The following PRAME variants were observed in gnomAD, a reference collection of about 807,000 sequenced individuals.
PRAME encodes PRAME nuclear receptor transcriptional regulator, also known as melanoma antigen preferentially expressed in tumors.
PRAME carries 21 observed loss-of-function variants against 32.1 expected under a neutral mutation model. The ratio of observed to expected loss-of-function variants is 0.65; its 90% CI spans 0.46 to 0.94. The LOEUF (loss-of-function observed/expected upper bound fraction) is 0.94, where lower values mean the gene tolerates loss of function less well. Among genes scored for constraint, PRAME ranks in the 40% least tolerant of loss-of-function variants. The pLI, the probability that PRAME is intolerant of heterozygous loss-of-function variation, is 0.00. For missense variants in PRAME, 651 were observed against 622.3 expected (o/e 1.05, Z -0.49); for synonymous variants, 274 against 251.5 (o/e 1.09, Z -0.85).
intron 4 of PRAME, 110 bp from the exon 5 acceptor site, chr22:22,550,444 C>G: frequency 7.2e-7 from 1 of 1,393,298 alleles, no homozygotes; most frequent in Non-Finnish European, 9.7e-7. Flanking sequence ...CACCTTAGAT[C>G]TGCACTTTTA....
Position 22,550,901 on chromosome 22 carries a change from C to A in PRAME, c.210G>T (p.Lys70Asn). ...AFDGRHSQTL[K>N]AMVQAWPFTC... ...TGAAGGGCCAGGCCTGCACCATTGC[C>A]TTCAGGGTCTGGCTGTGTCTCCCGT... is the stretch of plus-strand genomic sequence containing the variant. Residue 70 changes from lysine to asparagine, a missense_variant, in exon 4 of 6, where the codon AAG (lysine) becomes AAT (asparagine). Physicochemically the swap from Lys to Asn is moderately conservative, Grantham distance 94. Transcript: ENST00000405655. 6.2e-7 allele frequency: 1 copy of A among 1,613,900 alleles called. No homozygotes were observed.
chr22:22,551,642 A>AAAAAC (rs10640028), intron 3 of PRAME, among the ~76,000 whole-genome samples: 4,473 of 150,792 alleles, frequency 0.03, 202 homozygotes, highest in African/African-American at 0.1. Flanking sequence ...AATAAAAAAA[A>AAAAAC]AACATTCTGA....
rs2062360501 is a variant in PRAME, at chr22:22,548,333, C to G, written c.1264G>C (p.Ala422Pro). ...SFYGNSISIS[A>P]LQSLLQHLIG... ...AGGTGCTGCAGGAGACTCTGCAGGG[C>G]AGATATGGAGATGGAATTCCCGTAG... Residue 422 changes from alanine (A) to proline (P), a missense_variant, in exon 6 of 6, where the codon GCC (alanine) becomes CCC (proline). Transcript: ENST00000405655. 6.2e-7 allele frequency: 1 copy of G among 1,613,538 alleles called. No individual in the cohort carries two copies. Among genetic ancestry groups the G allele is most frequent in the Non-Finnish European group, 8.5e-7 (1 of 1,179,954 alleles).
intron 3 of PRAME, 103 bp from the exon 4 acceptor site, chr22:22,551,192 T>C: frequency 9.2e-7 from 1 of 1,090,814 alleles, no homozygotes; most frequent in Non-Finnish European, 1.3e-6. Context: ...CCAAAGTCAC[T>C]GTGCTAGCAA....
At chr22:22,557,182 C>T in intron 2 of PRAME, 1 of 372,708 alleles carries the variant, frequency 2.7e-6, no homozygotes, top group Non-Finnish European at 5.0e-6. Flanking sequence ...AGCGACATTT[C>T]TGCCTCTGCT....
Position 22,549,760 on chromosome 22 carries a change from A to C in PRAME, c.919T>G (p.Phe307Val). 1.2e-6 allele frequency: 2 copies of C among 1,609,474 alleles called. No homozygotes were observed. The change falls in exon 5 of 6, where the codon TTT (phenylalanine) becomes GTT (valine). Residue 307 changes from phenylalanine to valine, a missense_variant. Coordinates refer to ENST00000405655, the MANE Select transcript of PRAME (RefSeq NM_206956.3). ...CLQALYVDSLFFLRGRLDQLL... is the reference protein window; with the variant it reads ...CLQALYVDSLVFLRGRLDQLL... ...TGATCCAGGCGGCCTCTAAGGAAAA[A>C]TAAAGAGTCCACATAGAGAGCCTGC...
chr22:22,555,993 ATTTT>A (rs113693405), intron 3 of PRAME: 535 of 333,034 alleles, frequency 1.6e-3, no homozygotes, highest in South Asian at 3.1e-3. Context: ...ATGCATTAAG[ATTTT>A]TTTTTTTTTT....
chr22:22,548,805 GTCCTT>G (rs1336727408), intron 5 of PRAME, among the ~76,000 whole-genome samples, 162 bp from the exon 6 acceptor site: 1 of 151,770 alleles, frequency 6.6e-6, no homozygotes, highest in Non-Finnish European at 1.5e-5. Context: ...TTCAGGTTTA[GTCCTT>G]TCTCCATCAT....
rs764578632 is a variant in PRAME at position 22,548,510 on chromosome 22, C to T, written c.1087G>A (p.Asp363Asn). 8.7e-6 allele frequency: 14 copies of T among 1,613,640 alleles called. No homozygotes were observed. The highest frequency in any genetic ancestry group is 1.6e-4 in the Middle Eastern group (1 of 6,074). Residue 363 changes from aspartate (D) to asparagine (N), a missense_variant, in exon 6 of 6, where the codon GAT becomes AAT. By Grantham distance (23) the Asp-to-Asn change is conservative. Coordinates refer to ENST00000405655, the MANE Select transcript of PRAME (RefSeq NM_206956.3). ...VLSLSGVMLT[D>N]VSPEPLQALL... The stretch of plus-strand genomic sequence containing the variant: ...GCTTGGAGGGGCTCGGGACTTACAT[C>T]GGTCAGCATGACCCCACTTAGACTC...
At chr22:22,551,762 C>T (rs896087493) in intron 3 of PRAME, among the ~76,000 whole-genome samples, 3 of 151,632 alleles carry the variant, frequency 2.0e-5, no homozygotes, top group African/African-American at 7.3e-5. Context: ...TTCTTTTCTC[C>T]CAAAACATTA....
In PRAME at chr22:22,548,479, A is replaced by G. The variant is rs1263142895; in HGVS notation, c.1118T>C (p.Leu373Pro). The G allele has an allele frequency of 6.2e-7, 1 of 1,613,784 alleles. No homozygotes were observed. The highest frequency in any genetic ancestry group is 2.2e-5 in the East Asian group (1 of 44,776). ...CTGGAGGGTGGCAGAGGCTCTCTCC[A>G]GCAGAGCTTGGAGGGGCTCGGGACT... is the stretch of plus-strand genomic sequence containing the variant. Reference protein sequence around the residue: ...DVSPEPLQALLERASATLQDL... With the variant: ...DVSPEPLQALPERASATLQDL... The change falls in exon 6 of 6, where the codon CTG becomes CCG. Residue 373 changes from leucine (L) to proline (P), a missense_variant. Leu to Pro is a moderately conservative substitution (Grantham distance 98, BLOSUM62 -3). Transcript: ENST00000405655.
At position 22,555,417 on chromosome 22, in the gene PRAME, T is replaced by C. The variant is rs375706228; in HGVS notation, c.21+1395A>G. Among the ~76,000 whole-genome samples the C allele has an allele frequency of 5.9e-5, 9 of 151,998 alleles. 1 individual carries two copies. Among genetic ancestry groups the C allele is most frequent in the African/African-American group, 2.2e-4 (9 of 41,494 alleles). ...ACACACGGCTATATTTTTGTATTTT[T>C]AGTAGAGATGGGGTTTCACCATGTT... On this transcript the variant is annotated intron_variant, in intron 3 of 5. Coordinates refer to ENST00000405655, the MANE Select transcript of PRAME (RefSeq NM_206956.3).
At position 22,559,234 on chromosome 22, in the gene PRAME, G is replaced by A; in HGVS notation, c.-377C>T. 1 of 310,642 alleles carries A rather than the reference G, an allele frequency of 3.2e-6. No individual in the cohort carries two copies. Among genetic ancestry groups the A allele is most frequent in the Non-Finnish European group, 6.3e-6 (1 of 158,848 alleles). The allele number at this position is 310,642 out of a possible 1,614,324, so 19.2% of individuals were successfully genotyped here. A position where few individuals can be genotyped will look rare whatever the true frequency, so the allele number is the denominator to read the frequency against. Reference sequence around the variant, plus strand: ...TGTCCCGGAGCGGTGCTGAGGCGCTGCAGGCCCGGCTTCTGGCTGCGGGGG... The same window carrying A: ...TGTCCCGGAGCGGTGCTGAGGCGCTACAGGCCCGGCTTCTGGCTGCGGGGG... On this transcript the variant is annotated 5_prime_UTR_variant, in exon 1 of 6. Coordinates refer to ENST00000405655, the MANE Select transcript of PRAME (RefSeq NM_206956.3).
At position 22,548,204 on chromosome 22, in the gene PRAME, C is replaced by A; in HGVS notation, c.1393G>T (p.Ala465Ser). Residue 465 changes from alanine to serine, a missense_variant, in exon 6 of 6, where the codon GCC (alanine) becomes TCC (serine). Coordinates refer to ENST00000405655, the MANE Select transcript of PRAME (RefSeq NM_206956.3). ...LHLERLAYLH[A>S]RLRELLCELG... is the part of the protein sequence containing the mutation. ...TCACACAGCAACTCCCTGAGCCTGG[C>A]ATGCAGATAGGCAAGCCTCTCCAGG... 2 of 1,613,794 alleles carry A rather than the reference C, an allele frequency of 1.2e-6. No homozygotes were observed. The highest frequency in any genetic ancestry group is 8.5e-7 in the Non-Finnish European group (1 of 1,179,908).
intron 3 of PRAME, chr22:22,552,842 A>G (rs1417359571): frequency 6.4e-6 from 3 of 470,698 alleles, no homozygotes; most frequent in African/African-American, 2.0e-5. Flanking sequence ...CCATCTGCCC[A>G]GACCTCTGGG....
At chr22:22,554,879 GGGA>G (rs1385675792) in intron 3 of PRAME, among the ~76,000 whole-genome samples, 1 of 151,948 alleles carries the variant, frequency 6.6e-6, no homozygotes, top group African/African-American at 2.4e-5. Context: ...GGAGATCCAA[GGGA>G]GGAGGAGGAA....
intron 3 of PRAME, among the ~76,000 whole-genome samples, chr22:22,553,642 G>C (rs577682434): frequency 9.4e-4 from 143 of 152,068 alleles, no homozygotes; most frequent in Admixed American, 1.6e-3. Context: ...AAACAGCCTT[G>C]ACAAGATTAA....
chr22:22,551,691 G>C (rs184418637), intron 3 of PRAME, among the ~76,000 whole-genome samples: 1 of 151,442 alleles, frequency 6.6e-6, no homozygotes, highest in African/African-American at 2.4e-5. Context: ...CGTATATTAA[G>C]AGTTACTACT....
chr22:22,550,342 G>A lies in PRAME; in HGVS notation c.345-8C>T, dbSNP rs1244372492. Reference sequence around the variant, plus strand: ...ACTTGAAGTTTCCACCTCCTGTGGGGAAAAACAGGTAATTAGCTGAGATGA... The same window carrying A: ...ACTTGAAGTTTCCACCTCCTGTGGGAAAAAACAGGTAATTAGCTGAGATGA... On this transcript the variant is annotated splice_polypyrimidine_tract_variant and splice_region_variant and intron_variant, in intron 4 of 5. Coordinates refer to ENST00000405655, the MANE Select transcript of PRAME (RefSeq NM_206956.3). The A allele has an allele frequency of 3.7e-6, 6 of 1,608,628 alleles. No individual in the cohort carries two copies. The African/African-American group carries it at 8.0e-5, about 22-fold the overall frequency.
Sources: gnomAD v4.1 joint callset for allele counts (sites outside exome capture counted in the v4.1 genomes callset) on GRCh38, gnomAD v4.1.1 for gene constraint, MANE v1.5 for transcripts, NCBI Gene and HGNC (gene_info 2026-07-23, HGNC 2026-07-21) for gene names.